Variants in FRYL observed in about 807,000 individuals in gnomAD.
FRYL encodes the protein protein furry homolog-like.
FRYL carries 150 observed loss-of-function variants against 351.2 expected under a neutral mutation model. That is an observed-to-expected ratio of 0.43 (90% confidence interval 0.37 to 0.49). FRYL has a LOEUF of 0.49. FRYL is among the 20% of genes least tolerant of loss of function. FRYL has a pLI of 0.00. For synonymous variants in FRYL, 1,153 were observed against 1,257.1 expected (o/e 0.92, Z 1.75); for missense variants, 3,036 against 3,619.3 (o/e 0.84, Z 4.13).
Position 48,565,607 on chromosome 4 carries a change from C to T in FRYL, c.3254G>A (p.Ser1085Asn). The change falls in exon 29 of 64, where the codon AGC (serine) becomes AAC (asparagine). Residue 1085 changes from serine (S) to asparagine (N), a missense_variant. Ser to Asn is a conservative substitution (Grantham distance 46). Coordinates refer to ENST00000358350, the MANE Select transcript of FRYL (RefSeq NM_015030.2). ...TCTGTCCAAGGGCGTAAACATGATG[C>T]TAAAAGGACCTGCCCAGTGACTGAA... ...MLFSHWAGPF[S>N]IMFTPLDRYS... 6.2e-7 allele frequency: 1 copy of T among 1,613,806 alleles called. No individual in the cohort carries two copies. Among genetic ancestry groups the T allele is most frequent in the Non-Finnish European group, 8.5e-7 (1 of 1,179,922 alleles).
intron 2 of FRYL, among the ~76,000 whole-genome samples, chr4:48,706,702 C>A (rs1422319818): frequency 3.9e-5 from 6 of 152,004 alleles, no homozygotes; most frequent in Admixed American, 3.3e-4. Context: ...GTGATGGGCT[C>A]CCACTCTAAG....
intron 1 of FRYL, among the ~76,000 whole-genome samples, chr4:48,747,743 A>G (rs1378066166): frequency 6.6e-6 from 1 of 152,198 alleles, no homozygotes; most frequent in African/African-American, 2.4e-5. Context: ...TTAAAACAAA[A>G]CGGTGAAATT....
chr4:48,576,246 G>A, intron 23 of FRYL, 24 bp from the exon 24 acceptor site: 3 of 1,529,094 alleles, frequency 2.0e-6, no homozygotes, highest in Non-Finnish European at 2.7e-6. Flanking sequence ...AAGAAAAATA[G>A]GCAGATATGA....
intron 3 of FRYL, chr4:48,637,408 A>T (rs1754457387): frequency 6.6e-6 from 1 of 152,104 alleles, no homozygotes; most frequent in African/African-American, 2.4e-5. Context: ...TAGCTTCCAT[A>T]TAACTAGACT....
chr4:48,621,962 C>T (rs1349945480), intron 5 of FRYL, among the ~76,000 whole-genome samples: 1 of 151,922 alleles, frequency 6.6e-6, no homozygotes, highest in African/African-American at 2.4e-5. Context: ...TTTAAAAAAC[C>T]TATATTTCAT....
intron 10 of FRYL, among the ~76,000 whole-genome samples, chr4:48,606,097 GAAAAAAAAA>G (rs59467789): frequency 2.6e-4 from 15 of 57,538 alleles, no homozygotes; most frequent in Admixed American, 1.3e-3. Context: ...CTCTACTAAA[GAAAAAAAAA>G]AAAAAAAAAA....
In FRYL at chr4:48,556,975, T is replaced by C. The variant is rs1183534186; in HGVS notation, c.4266+3A>G. ...TTAAAATTAAATGAACTTGAATACA[T>C]ACGTAAGGCAAGAGGCTTGGTTCGC... is the stretch of plus-strand genomic sequence containing the variant. On this transcript the variant is annotated splice_donor_region_variant and intron_variant, in intron 35 of 63. Coordinates refer to ENST00000358350, the MANE Select transcript of FRYL (RefSeq NM_015030.2). 3 of 1,569,518 alleles carry C rather than the reference T, an allele frequency of 1.9e-6. No homozygotes were observed. The highest frequency in any genetic ancestry group is 1.2e-5 in the South Asian group (1 of 85,534).
chr4:48,591,847 C>T (rs1181144099), intron 16 of FRYL, among the ~76,000 whole-genome samples: 1 of 151,980 alleles, frequency 6.6e-6, no homozygotes, highest in Non-Finnish European at 1.5e-5. Context: ...ACTTGGATGC[C>T]TCTACCTGGA....
chr4:48,552,244 G>GGTGTGTGTGTGTGTGTGTGTGTGTGT (rs67155390), intron 36 of FRYL, among the ~76,000 whole-genome samples: 3 of 145,244 alleles, frequency 2.1e-5, no homozygotes, highest in African/African-American at 7.8e-5. Flanking sequence ...AGTCCAAAGG[G>GGTGTGTGTGTGTGTGTGTGTGTGTGT]GTGTGTGTGT....
chr4:48,565,705 A>C lies in FRYL; in HGVS notation c.3170-14T>G, dbSNP rs777383645. On this transcript the variant is annotated splice_polypyrimidine_tract_variant and intron_variant, in intron 28 of 63. Coordinates refer to ENST00000358350, the MANE Select transcript of FRYL (RefSeq NM_015030.2). ...TTCTCTGGTGCACTGTGAATAAAAAAAGATAGAAAACATTTATTTCCATTT... is the reference window on the plus strand; with the variant it reads ...TTCTCTGGTGCACTGTGAATAAAAACAGATAGAAAACATTTATTTCCATTT... 5.6e-6 allele frequency: 9 copies of C among 1,602,264 alleles called. No individual in the cohort carries two copies. Among genetic ancestry groups the C allele is most frequent in the Non-Finnish European group, 7.7e-6 (9 of 1,176,460 alleles).
chr4:48,777,994 G>C (rs1205973080), intron 1 of FRYL, among the ~76,000 whole-genome samples: 1 of 152,146 alleles, frequency 6.6e-6, no homozygotes, highest in Admixed American at 6.6e-5. Flanking sequence ...GAGACCAGCC[G>C]TCTATACGAA....
chr4:48,510,254 G>A, intron 58 of FRYL, 97 bp from the exon 59 acceptor site: 1 of 885,608 alleles, frequency 1.1e-6, no homozygotes, highest in Non-Finnish European at 1.9e-6. Context: ...ATAGCTGTTA[G>A]TTGGTTTTTG....
At chr4:48,517,821 T>C (rs995877587) in intron 55 of FRYL, among the ~76,000 whole-genome samples, 4 of 152,228 alleles carry the variant, frequency 2.6e-5, no homozygotes, top group Admixed American at 2.6e-4. Context: ...ATAAACATTT[T>C]TAGGAGTGGA....
chr4:48,657,353 CT>C (rs371640944), intron 3 of FRYL, among the ~76,000 whole-genome samples: 87 of 122,378 alleles, frequency 7.1e-4, no homozygotes, highest in Middle Eastern at 4.6e-3. Context: ...CTTTTCTTTT[CT>C]TTTTTTTTTT....
intron 47 of FRYL, 24 bp from the exon 48 acceptor site, chr4:48,535,851 C>T: frequency 6.9e-7 from 1 of 1,456,174 alleles, no homozygotes; most frequent in African/African-American, 1.4e-5. Flanking sequence ...AAAATTATTT[C>T]ATTCACCTAA....
At chr4:48,630,193 C>T (rs904157497) in intron 4 of FRYL, among the ~76,000 whole-genome samples, 2 of 152,090 alleles carry the variant, frequency 1.3e-5, no homozygotes, top group African/African-American at 4.8e-5. Context: ...CAGTAATACA[C>T]AGAAGATCAC....
chr4:48,602,219 A>G, intron 12 of FRYL, 98 bp from the exon 13 acceptor site: 1 of 659,178 alleles, frequency 1.5e-6, no homozygotes, highest in Non-Finnish European at 2.7e-6. Flanking sequence ...GCAAGGAAAC[A>G]AATCTTTTAA....
intron 60 of FRYL, among the ~76,000 whole-genome samples, chr4:48,503,065 T>C (rs1038982037): frequency 2.0e-4 from 31 of 151,984 alleles, no homozygotes; most frequent in African/African-American, 7.0e-4. Flanking sequence ...TGCCAAATAA[T>C]AAATTACATT....
intron 1 of FRYL, among the ~76,000 whole-genome samples, chr4:48,713,536 A>C (rs1455522855): frequency 6.6e-6 from 1 of 152,220 alleles, no homozygotes; most frequent in Non-Finnish European, 1.5e-5. Flanking sequence ...GCCATTACAT[A>C]ACGGTAAAGG....
Sources: gnomAD v4.1 joint callset for allele counts (sites outside exome capture counted in the v4.1 genomes callset) on GRCh38, gnomAD v4.1.1 for gene constraint, MANE v1.5 for transcripts, NCBI Gene and HGNC (gene_info 2026-07-23, HGNC 2026-07-21) for gene names.